PRKCE: variants seen among roughly 807,000 people sequenced by gnomAD.
The protein encoded by PRKCE is protein kinase C epsilon type.
Under a neutral mutation model 85.4 loss-of-function variants are expected in PRKCE, and 16 were observed. The ratio of observed to expected loss-of-function variants is 0.19; its 90% CI spans 0.13 to 0.28. PRKCE has a LOEUF of 0.28. Ranked by LOEUF, PRKCE falls within the 10% of genes least tolerant of loss-of-function variation. PRKCE has a pLI of 1.00. For synonymous variants in PRKCE, 388 were observed against 371.5 expected (o/e 1.04, Z -0.51); for missense variants, 573 against 975.2 (o/e 0.59, Z 5.49).
intron 10 of PRKCE, among the ~76,000 whole-genome samples, chr2:46,071,072 G>C (rs192297190): frequency 1.3e-5 from 2 of 152,250 alleles, no homozygotes; most frequent in East Asian, 1.9e-4. Context: ...AACCAAATGC[G>C]TAGAGATGCC....
chr2:45,738,053 T>C (rs1048746676), intron 1 of PRKCE, among the ~76,000 whole-genome samples: 14 of 152,178 alleles, frequency 9.2e-5, no homozygotes, highest in African/African-American at 3.1e-4. Context: ...TCCACAGTCC[T>C]GCTGCAGGCG....
intron 2 of PRKCE, among the ~76,000 whole-genome samples, chr2:45,947,326 C>G (rs939928143): frequency 1.3e-5 from 2 of 151,988 alleles, no homozygotes; most frequent in Admixed American, 1.3e-4. Context: ...GGGAGAGAGG[C>G]AGGCGTGAAT....
intron 2 of PRKCE, among the ~76,000 whole-genome samples, chr2:45,945,511 T>C (rs763128810): frequency 1.1e-4 from 16 of 152,186 alleles, no homozygotes; most frequent in Non-Finnish European, 1.9e-4. Flanking sequence ...ACCTCCAACA[T>C]TGGGGATTAC....
chr2:46,134,272 G>T (rs1287777997), intron 11 of PRKCE, among the ~76,000 whole-genome samples: 1 of 152,194 alleles, frequency 6.6e-6, no homozygotes, highest in African/African-American at 2.4e-5. Context: ...TGCCCTCATG[G>T]AATGGTCCCT....
At chr2:45,991,898 T>G (rs1182818079) in intron 6 of PRKCE, among the ~76,000 whole-genome samples, 1 of 152,226 alleles carries the variant, frequency 6.6e-6, no homozygotes, top group Non-Finnish European at 1.5e-5. Context: ...CCCTGTTATC[T>G]ATTGGGTCTG....
chr2:46,057,756 G>T (rs1340632705), intron 10 of PRKCE, among the ~76,000 whole-genome samples: 1 of 152,012 alleles, frequency 6.6e-6, no homozygotes, highest in African/African-American at 2.4e-5. Flanking sequence ...ATTTTAATTT[G>T]TATTTTTTCT....
chr2:45,682,788 T>G (rs1326140825), intron 1 of PRKCE, among the ~76,000 whole-genome samples: 1 of 152,104 alleles, frequency 6.6e-6, no homozygotes, highest in Non-Finnish European at 1.5e-5. Context: ...GGTTTCATCA[T>G]GTTTCAACTC....
At chr2:45,974,703 C>G (rs1702327529) in intron 2 of PRKCE, among the ~76,000 whole-genome samples, 1 of 152,220 alleles carries the variant, frequency 6.6e-6, no homozygotes, top group Non-Finnish European at 1.5e-5. Context: ...CATATGACCT[C>G]CACTTCAGGG....
At chr2:46,029,866 C>T (rs1707396324) in intron 10 of PRKCE, among the ~76,000 whole-genome samples, 1 of 152,022 alleles carries the variant, frequency 6.6e-6, no homozygotes, top group African/African-American at 2.4e-5. Flanking sequence ...AGGGCATTTG[C>T]TGGGGTCCTT....
intron 10 of PRKCE, among the ~76,000 whole-genome samples, chr2:46,055,730 A>G (rs909886078): frequency 6.6e-6 from 1 of 151,928 alleles, no homozygotes; most frequent in Non-Finnish European, 1.5e-5. Flanking sequence ...TGGCAAGATC[A>G]CCGCTCACTG....
chr2:45,776,379 C>T (rs969242407), intron 1 of PRKCE, among the ~76,000 whole-genome samples: 2 of 152,154 alleles, frequency 1.3e-5, no homozygotes, highest in Non-Finnish European at 1.5e-5. Context: ...ACTCAGTAGG[C>T]GTTGGTGGAC....
At chr2:46,014,787 G>A (rs895980444) in intron 10 of PRKCE, among the ~76,000 whole-genome samples, 2 of 152,202 alleles carry the variant, frequency 1.3e-5, no homozygotes, top group Non-Finnish European at 2.9e-5. Context: ...CCTGATGGAG[G>A]TAGAACCTAC....
chr2:46,050,243 A>G (rs1400213886), intron 10 of PRKCE, among the ~76,000 whole-genome samples: 1 of 152,208 alleles, frequency 6.6e-6, no homozygotes, highest in African/African-American at 2.4e-5. Context: ...AGCACTGGTA[A>G]TTTCTTATGA....
At chr2:45,765,800 G>A (rs1164947224) in intron 1 of PRKCE, among the ~76,000 whole-genome samples, 1 of 152,188 alleles carries the variant, frequency 6.6e-6, no homozygotes. Flanking sequence ...TCTTGGCAGA[G>A]TTTGCCTTTT....
intron 2 of PRKCE, among the ~76,000 whole-genome samples, chr2:45,919,713 C>G (rs1339036545): frequency 1.3e-5 from 2 of 152,200 alleles, no homozygotes; most frequent in Non-Finnish European, 2.9e-5. Flanking sequence ...AAAATCTAGG[C>G]CTTCTTTGGC....
intron 2 of PRKCE, among the ~76,000 whole-genome samples, chr2:45,967,194 T>G (rs1328930101): frequency 6.6e-6 from 1 of 152,158 alleles, no homozygotes; most frequent in Admixed American, 6.5e-5. Context: ...TGTGGAGCGG[T>G]ATGTACTACA....
chr2:45,713,301 G>C (rs1679820615), intron 1 of PRKCE, among the ~76,000 whole-genome samples: 1 of 152,212 alleles, frequency 6.6e-6, no homozygotes, highest in South Asian at 2.1e-4. Context: ...AGCCACAGGA[G>C]AGCATATGCC....
At chr2:45,975,666 G>T (rs528228921) in intron 2 of PRKCE, among the ~76,000 whole-genome samples, 1 of 152,252 alleles carries the variant, frequency 6.6e-6, no homozygotes, top group East Asian at 1.9e-4. Flanking sequence ...TTATTTTTGT[G>T]ATCATCTGTG....
At chr2:46,124,129 A>G (rs544761831) in intron 11 of PRKCE, among the ~76,000 whole-genome samples, 1 of 152,330 alleles carries the variant, frequency 6.6e-6, no homozygotes, top group South Asian at 2.1e-4. Context: ...GTTCAAGACC[A>G]GCCTGGCCAA....
Sources: gnomAD v4.1 joint callset for allele counts (sites outside exome capture counted in the v4.1 genomes callset) on GRCh38, gnomAD v4.1.1 for gene constraint, MANE v1.5 for transcripts, NCBI Gene and HGNC (gene_info 2026-07-23, HGNC 2026-07-21) for gene names.